Variants in SLC43A2 observed in about 807,000 individuals in gnomAD.
SLC43A2 encodes solute carrier family 43 member 2.
Under a neutral mutation model 63.2 loss-of-function variants are expected in SLC43A2, and 38 were observed. The ratio of observed to expected loss-of-function variants is 0.60; its 90% CI spans 0.46 to 0.79. The LOEUF (loss-of-function observed/expected upper bound fraction) is 0.79. SLC43A2 is among the 30% of genes least tolerant of loss of function. The pLI, the probability that SLC43A2 is intolerant of heterozygous loss-of-function variation, is 0.00. For missense variants in SLC43A2, 644 were observed against 756.2 expected (o/e 0.85, Z 1.74); for synonymous variants, 322 against 331.0 (o/e 0.97, Z 0.30).
At chr17:1,623,411 A>G (rs1908343060) in intron 2 of SLC43A2, among the ~76,000 whole-genome samples, 1 of 152,162 alleles carries the variant, frequency 6.6e-6, no homozygotes, top group Non-Finnish European at 1.5e-5. Context: ...AGAGGCCGTG[A>G]TGACTTCTGG....
intron 9 of SLC43A2, among the ~76,000 whole-genome samples, chr17:1,590,394 C>T (rs374168316): frequency 6.6e-5 from 10 of 152,168 alleles, no homozygotes; most frequent in East Asian, 1.9e-4. Context: ...GTCCTGACCT[C>T]GATGCCCAGG....
In SLC43A2 at chr17:1,580,340, G is replaced by A. The variant is rs574561553; in HGVS notation, c.1351-2017C>T. Among the ~76,000 whole-genome samples, 12 of 152,260 alleles carry A rather than the reference G, an allele frequency of 7.9e-5. No homozygotes were observed. The South Asian group carries it at 2.1e-3, about 26-fold the overall frequency. The stretch of plus-strand genomic sequence containing the variant: ...TGAGTGCATGTGCACCGTGGAAGTC[G>A]GCAAACACTAGAACCAGGGCCCTGC... On this transcript the variant is annotated intron_variant, in intron 11 of 13. Coordinates refer to ENST00000301335, the MANE Select transcript of SLC43A2 (RefSeq NM_152346.3).
chr17:1,615,053 G>T lies in SLC43A2; in HGVS notation c.369-19C>A, dbSNP rs143205631. ...GCAGGCGCTAAAACCAAGCAGAAAC[G>T]CAATGTTATTTACCATTATGACTTT... is the stretch of plus-strand genomic sequence containing the variant. On this transcript the variant is annotated intron_variant, in intron 3 of 13. Coordinates refer to ENST00000301335, the MANE Select transcript of SLC43A2 (RefSeq NM_152346.3). 1.2e-6 allele frequency: 2 copies of T among 1,613,582 alleles called. No individual in the cohort carries two copies. Among genetic ancestry groups the T allele is most frequent in the Non-Finnish European group, 1.7e-6 (2 of 1,179,740 alleles).
Position 1,583,350 on chromosome 17 carries a change from G to C in SLC43A2, c.1218-14C>G, listed in dbSNP as rs1367832346. 3 of 1,613,904 alleles carry C rather than the reference G, an allele frequency of 1.9e-6. No individual in the cohort carries two copies. The highest frequency in any genetic ancestry group is 2.5e-6 in the Non-Finnish European group (3 of 1,179,848). On this transcript the variant is annotated splice_polypyrimidine_tract_variant and intron_variant, in intron 10 of 13. Coordinates refer to ENST00000301335, the MANE Select transcript of SLC43A2 (RefSeq NM_152346.3). This position sits in a 1 kb window ranked among gnomAD's most constrained non-coding sequence, Gnocchi z 5.5. ...TTCTTCTCGCCTCTGTGGAGACACA[G>C]AACGTGCAGGGGTGGGAGGGCTCCC...
At chr17:1,603,787 AAAAACAAAAC>A (rs57134876) in intron 5 of SLC43A2, among the ~76,000 whole-genome samples, 2 of 151,386 alleles carry the variant, frequency 1.3e-5, no homozygotes, top group Admixed American at 6.6e-5. Flanking sequence ...CTCTGCCTCA[AAAAACAAAAC>A]AAAACAAAAC....
chr17:1,609,441 A>C (rs1906900178), intron 5 of SLC43A2, among the ~76,000 whole-genome samples: 1 of 152,202 alleles, frequency 6.6e-6, no homozygotes, highest in Non-Finnish European at 1.5e-5. Context: ...ACCTCAGGTG[A>C]TCTGCCCGCC....
intron 13 of SLC43A2, 52 bp from the exon 14 acceptor site, chr17:1,575,817 T>C: frequency 6.5e-7 from 1 of 1,542,168 alleles, no homozygotes; most frequent in African/African-American, 1.4e-5. Context: ...GCGCCGAGGC[T>C]GCAGACCCGC....
chr17:1,583,153 T>C lies in SLC43A2; in HGVS notation c.1350+51A>G. The C allele has an allele frequency of 1.9e-6, 3 of 1,586,548 alleles. No homozygotes were observed. The highest frequency in any genetic ancestry group is 1.1e-5 in the South Asian group (1 of 90,410). ...TACACACTTTTGAGTCTTTACATGTTCCTTCTGACTGCCCCACCTCCCACC... is the reference window on the plus strand; with the variant it reads ...TACACACTTTTGAGTCTTTACATGTCCCTTCTGACTGCCCCACCTCCCACC... On this transcript the variant is annotated intron_variant, in intron 11 of 13. Coordinates refer to ENST00000301335, the MANE Select transcript of SLC43A2 (RefSeq NM_152346.3). This position sits in a 1 kb window ranked among gnomAD's most constrained non-coding sequence, Gnocchi z 5.5.
chr17:1,594,935 C>T (rs965845559), intron 5 of SLC43A2, among the ~76,000 whole-genome samples: 3 of 152,102 alleles, frequency 2.0e-5, no homozygotes, highest in South Asian at 2.1e-4. Context: ...CAGTGGCTCA[C>T]GCCTGCAATC....
At chr17:1,587,352 G>A (rs930042952) in intron 9 of SLC43A2, among the ~76,000 whole-genome samples, 3 of 152,222 alleles carry the variant, frequency 2.0e-5, no homozygotes, top group Admixed American at 6.5e-5. Context: ...TGCGGGAAGC[G>A]GCTCTGTCAC....
chr17:1,623,559 G>A (rs543223275), intron 2 of SLC43A2, among the ~76,000 whole-genome samples: 2 of 152,078 alleles, frequency 1.3e-5, no homozygotes, highest in East Asian at 1.9e-4. Context: ...CAGTTTCCCC[G>A]AATGGCCTCC....
chr17:1,604,224 T>C (rs1314156704), intron 5 of SLC43A2: 1 of 152,358 alleles, frequency 6.6e-6, no homozygotes, highest in African/African-American at 2.4e-5. Context: ...AATTTTTTTT[T>C]TGTATTTTGA....
At chr17:1,614,646 C>T (rs1555543878) in intron 4 of SLC43A2, among the ~76,000 whole-genome samples, 2 of 152,118 alleles carry the variant, frequency 1.3e-5, no homozygotes, top group Non-Finnish European at 1.5e-5. Context: ...GGGGACTCAG[C>T]TTGTGACTTC....
rs994699636 is a variant in SLC43A2, at chr17:1,616,469, G to C, written c.368+93C>G. The C allele has an allele frequency of 6.3e-6, 8 of 1,267,184 alleles. No homozygotes were observed. The Admixed American group carries it at 8.7e-5, about 14-fold the overall frequency. 78.5% of individuals were successfully genotyped at this position (1,267,184 alleles called of 1,614,324 possible). ...CTTCAGGGAGCTCCACAGTACACCT[G>C]ATATCAGGTACGACCAGGATACCCT... is the stretch of plus-strand genomic sequence containing the variant. On this transcript the variant is annotated intron_variant, in intron 3 of 13. Coordinates refer to ENST00000301335, the MANE Select transcript of SLC43A2 (RefSeq NM_152346.3).
At chr17:1,590,384 G>A (rs996739107) in intron 9 of SLC43A2, among the ~76,000 whole-genome samples, 5 of 152,008 alleles carry the variant, frequency 3.3e-5, no homozygotes, top group African/African-American at 1.2e-4. Context: ...CTCCAGCCCC[G>A]TCCTGACCTC....
rs532332624 is a variant in SLC43A2, at chr17:1,615,736, G to A, written c.369-702C>T. ...CAGGCGCCTGTGGTCCCAGCTACTCGGGAGGCTGAGGCAGGAGAATAGCGT... is the reference window on the plus strand; with the variant it reads ...CAGGCGCCTGTGGTCCCAGCTACTCAGGAGGCTGAGGCAGGAGAATAGCGT... On this transcript the variant is annotated intron_variant, in intron 3 of 13. Transcript: ENST00000301335. 4.8e-4 allele frequency among the ~76,000 whole-genome samples: 72 copies of A among 149,004 alleles called. No individual in the cohort carries two copies. In the South Asian group the frequency reaches 0.011, roughly 22 times the overall value.
At chr17:1,623,730 G>A (rs1487184089) in intron 2 of SLC43A2, among the ~76,000 whole-genome samples, 2 of 128,376 alleles carry the variant, frequency 1.6e-5, no homozygotes, top group Non-Finnish European at 3.3e-5. Flanking sequence ...CCTCCAGGCT[G>A]TACCCTCCTC....
chr17:1,599,097 G>A (rs1005649523), intron 5 of SLC43A2, among the ~76,000 whole-genome samples: 2 of 151,842 alleles, frequency 1.3e-5, no homozygotes, highest in African/African-American at 4.8e-5. Context: ...GCCTGTAATC[G>A]CAACACTTTG....
intron 5 of SLC43A2, among the ~76,000 whole-genome samples, chr17:1,595,773 C>T (rs1353438636): frequency 6.6e-6 from 1 of 151,970 alleles, no homozygotes; most frequent in East Asian, 1.9e-4. Context: ...GATGGGGTCT[C>T]ACTATATTGC....
Sources: allele counts gnomAD v4.1 joint callset (sites outside exome capture counted in the v4.1 genomes callset), GRCh38; gene constraint gnomAD v4.1.1; non-coding constraint Gnocchi (gnomAD v3.1); transcripts MANE v1.5; gene names NCBI Gene and HGNC (gene_info 2026-07-23, HGNC 2026-07-21).